RAPGEF2: variants seen among roughly 807,000 people sequenced by gnomAD.
The protein encoded by RAPGEF2 is Rap guanine nucleotide exchange factor 2.
In RAPGEF2, 54 loss-of-function variants were observed where a neutral mutation model predicts 186.7. The ratio of observed to expected loss-of-function variants is 0.29; its 90% CI spans 0.23 to 0.36. The LOEUF is 0.36. RAPGEF2 is among the 10% of genes least tolerant of loss of function. The probability of loss-of-function intolerance (pLI) is 1.00; values close to 1 mark genes in which losing one functional copy is unlikely to be tolerated. For synonymous variants in RAPGEF2, 712 were observed against 705.9 expected (o/e 1.01, Z -0.14); for missense variants, 1,532 against 2,045.0 (o/e 0.75, Z 4.84).
chr4:159,166,412 G>A, intron 1 of RAPGEF2, among the ~76,000 whole-genome samples: 1 of 152,238 alleles, frequency 6.6e-6, no homozygotes, highest in East Asian at 1.9e-4. Context: ...GGCCTGTGGG[G>A]TGAGGGGTGA....
chr4:159,278,728 G>T (rs930301201), intron 7 of RAPGEF2, among the ~76,000 whole-genome samples: 1 of 152,176 alleles, frequency 6.6e-6, no homozygotes, highest in East Asian at 1.9e-4. Flanking sequence ...TCACTCATTC[G>T]CTGTGTGACC....
At chr4:159,277,372 C>G (rs1759051752) in intron 7 of RAPGEF2, among the ~76,000 whole-genome samples, 1 of 152,118 alleles carries the variant, frequency 6.6e-6, no homozygotes, top group Non-Finnish European at 1.5e-5. Context: ...TGAGTAGTGC[C>G]ACAATTAACA....
chr4:159,357,815 A>T (rs1359860536), intron 29 of RAPGEF2, among the ~76,000 whole-genome samples: 1 of 152,216 alleles, frequency 6.6e-6, no homozygotes, highest in Admixed American at 6.5e-5. Context: ...TATTTTTTTT[A>T]AATGGCACAT....
intron 7 of RAPGEF2, among the ~76,000 whole-genome samples, chr4:159,275,054 CGTGTGTGTGTGTGTGTGTGT>C (rs35461332): frequency 6.9e-5 from 10 of 143,982 alleles, no homozygotes; most frequent in African/African-American, 1.3e-4. Context: ...CTCTGTCTCT[CGTGTGTGTGTGTGTGTGTGT>C]GTGTGTGTGT....
chr4:159,166,964 A>G (rs1269752090), intron 1 of RAPGEF2, among the ~76,000 whole-genome samples: 1 of 152,154 alleles, frequency 6.6e-6, no homozygotes, highest in Non-Finnish European at 1.5e-5. Context: ...CAAGGGACAT[A>G]TTACAGCAGG....
At chr4:159,297,308 C>T (rs1318403988) in intron 7 of RAPGEF2, among the ~76,000 whole-genome samples, 1 of 152,180 alleles carries the variant, frequency 6.6e-6, no homozygotes, top group East Asian at 1.9e-4. Flanking sequence ...AGGCAGTGTG[C>T]TCCGTATGGC....
At chr4:159,183,599 A>T (rs1228015039) in intron 1 of RAPGEF2, among the ~76,000 whole-genome samples, 1 of 152,200 alleles carries the variant, frequency 6.6e-6, no homozygotes, top group Non-Finnish European at 1.5e-5. Context: ...GGACACCATC[A>T]AGGAAGTAAA....
intron 3 of RAPGEF2, among the ~76,000 whole-genome samples, chr4:159,199,128 T>G (rs1579443398): frequency 6.6e-6 from 1 of 151,510 alleles, no homozygotes; most frequent in South Asian, 2.1e-4. Flanking sequence ...CTTTAAAGAC[T>G]TAGCCTTTGC....
intron 3 of RAPGEF2, among the ~76,000 whole-genome samples, chr4:159,199,118 C>T (rs1184115194): frequency 6.7e-6 from 1 of 149,306 alleles, no homozygotes; most frequent in African/African-American, 2.5e-5. Flanking sequence ...AAAATGGCAT[C>T]TTTAAAGACT....
intron 11 of RAPGEF2, among the ~76,000 whole-genome samples, chr4:159,324,837 A>T (rs1765712587): frequency 6.6e-6 from 1 of 152,176 alleles, no homozygotes; most frequent in Non-Finnish European, 1.5e-5. Context: ...TACATTTAAG[A>T]TACTTTTGGT....
At chr4:159,313,060 A>G (rs763325656) in intron 8 of RAPGEF2, among the ~76,000 whole-genome samples, 6 of 152,212 alleles carry the variant, frequency 3.9e-5, no homozygotes, top group Non-Finnish European at 5.9e-5. Context: ...AGGCATGAGA[A>G]TCGCATGAAC....
chr4:159,232,408 G>A (rs1296368992), intron 4 of RAPGEF2, among the ~76,000 whole-genome samples: 1 of 152,180 alleles, frequency 6.6e-6, no homozygotes, highest in Non-Finnish European at 1.5e-5. Context: ...CTGGTTTGTT[G>A]TCTTTAGTGG....
rs539861676 is a variant in RAPGEF2, at chr4:159,213,107, C to CAGT, written c.281+2526_281+2528dup. Among the ~76,000 whole-genome samples, 398 of 152,300 alleles carry CAGT rather than the reference C, an allele frequency of 2.6e-3. 2 individuals carry two copies. The highest frequency in any genetic ancestry group is 9.2e-3 in the African/African-American group (382 of 41,572). ...TGGCGGTTCCGACGGAATGACAAGC[C>CAGT]AGTACTATATATAGGTTATTCCTTC... On this transcript the variant is annotated intron_variant, in intron 4 of 29. Transcript: ENST00000691494.
chr4:159,160,016 A>G (rs1744540853), intron 1 of RAPGEF2, among the ~76,000 whole-genome samples: 1 of 152,218 alleles, frequency 6.6e-6, no homozygotes, highest in African/African-American at 2.4e-5. Flanking sequence ...TAAGTATGAA[A>G]TGTGATGCTG....
chr4:159,236,857 G>A lies in RAPGEF2; in HGVS notation c.282-1952G>A, dbSNP rs144742279. ...TCAGGTCATTTAAATTGCATGAGAA[G>A]TAACATGAAGATAGATTTATTATGT... is the stretch of plus-strand genomic sequence containing the variant. On this transcript the variant is annotated intron_variant, in intron 4 of 29. Transcript: ENST00000691494. Among the ~76,000 whole-genome samples, 31 of 152,260 alleles carry A rather than the reference G, an allele frequency of 2.0e-4. No individual in the cohort carries two copies. The East Asian group carries it at 6.0e-3, about 29-fold the overall frequency.
At chr4:159,282,203 GATTT>G (rs765932859) in intron 7 of RAPGEF2, among the ~76,000 whole-genome samples, 2 of 152,150 alleles carry the variant, frequency 1.3e-5, no homozygotes, top group Non-Finnish European at 2.9e-5. Context: ...GTGATTCAGA[GATTT>G]ATTTTTCTTT....
chr4:159,202,320 G>A (rs1485331449), intron 3 of RAPGEF2, among the ~76,000 whole-genome samples: 2 of 152,020 alleles, frequency 1.3e-5, no homozygotes, highest in African/African-American at 4.8e-5. Context: ...CACCCTCCTT[G>A]TTTCATATTT....
chr4:159,121,776 A>T (rs1739710920), intron 1 of RAPGEF2, among the ~76,000 whole-genome samples: 1 of 152,004 alleles, frequency 6.6e-6, no homozygotes, highest in Non-Finnish European at 1.5e-5. Context: ...CATGCCTGTA[A>T]TCGCAGCACT....
rs75567028 is a variant in RAPGEF2 at position 159,127,668 on chromosome 4, T to C, written c.69+23437T>C. Among the ~76,000 whole-genome samples, 296 of 152,336 alleles carry C rather than the reference T, an allele frequency of 1.9e-3. 1 individual carries two copies. The highest frequency in any genetic ancestry group is 4.3e-3 in the South Asian group (21 of 4,828). ...ATGACCTTTATGTCTCCATGGCGTT[T>C]TATAATACCTTAGCATTCCTTAAAT... On this transcript the variant is annotated intron_variant, in intron 1 of 29. Coordinates refer to ENST00000691494, the MANE Select transcript of RAPGEF2 (RefSeq NM_001394067.2).
Sources: gnomAD v4.1 joint callset for allele counts (sites outside exome capture counted in the v4.1 genomes callset) on GRCh38, gnomAD v4.1.1 for gene constraint, MANE v1.5 for transcripts, NCBI Gene and HGNC (gene_info 2026-07-23, HGNC 2026-07-21) for gene names.